STK3: variants seen among roughly 807,000 people sequenced by gnomAD.
STK3 encodes serine/threonine kinase 3, also known as serine/threonine-protein kinase 3.
Under a neutral mutation model 58.0 loss-of-function variants are expected in STK3, and 41 were observed. The ratio of observed to expected loss-of-function variants is 0.71; its 90% CI spans 0.55 to 0.92. STK3 has a LOEUF of 0.92. STK3 is among the 40% of genes least tolerant of loss of function. The pLI is 0.00. For missense variants in STK3, 479 were observed against 602.7 expected, an observed-to-expected ratio of 0.79 and a Z score of 2.15; for synonymous variants, 170 against 191.0, an observed-to-expected ratio of 0.89 and a Z score of 0.91.
chr8:98,781,660 C>CT (rs1182812288), intron 1 of STK3, among the ~76,000 whole-genome samples: 1 of 152,168 alleles, frequency 6.6e-6, no homozygotes, highest in South Asian at 2.1e-4. Flanking sequence ...CCTAGAGGAG[C>CT]TTAAAAACTA....
chr8:98,709,771 T>C lies in STK3; in HGVS notation c.352-2460A>G, dbSNP rs145558734. Among the ~76,000 whole-genome samples the C allele has an allele frequency of 3.2e-3, 485 of 152,202 alleles. 3 individuals are homozygous for C. The highest frequency in any genetic ancestry group is 0.01 in the African/African-American group (432 of 41,544). On this transcript the variant is annotated intron_variant, in intron 4 of 10. Transcript: ENST00000419617. ...TCATAAAACACACAACTAATATGAA[T>C]AGAAGGAAACTATCTCACCATAGTA...
In STK3 at chr8:98,800,858, C is replaced by T. The variant is rs1484667388; in HGVS notation, c.26+24657G>A. Reference sequence around the variant, plus strand: ...GGCTCAGGACCTGCAGCCCCCCATGCCAGAGCCCCCCCCACCAAGGTGGGC... The same window carrying T: ...GGCTCAGGACCTGCAGCCCCCCATGTCAGAGCCCCCCCCACCAAGGTGGGC... On this transcript the variant is annotated intron_variant, in intron 1 of 10. Coordinates refer to ENST00000419617, the MANE Select transcript of STK3 (RefSeq NM_006281.4). The surrounding 1 kb of genome is among the most constrained non-coding windows in gnomAD (Gnocchi z 4.8). 6.6e-6 allele frequency among the ~76,000 whole-genome samples: 1 copy of T among 152,226 alleles called. No individual in the cohort carries two copies. Among genetic ancestry groups the T allele is most frequent in the Non-Finnish European group, 1.5e-5 (1 of 68,024 alleles).
At chr8:98,469,626 G>A (rs1820766891) in intron 10 of STK3, among the ~76,000 whole-genome samples, 1 of 152,162 alleles carries the variant, frequency 6.6e-6, no homozygotes, top group Admixed American at 6.5e-5. Context: ...GTGGAAATTT[G>A]GGGATCAGAA....
chr8:98,402,739 G>C (rs1350771519), intron 3 of STK3, among the ~76,000 whole-genome samples: 2 of 152,190 alleles, frequency 1.3e-5, no homozygotes, highest in African/African-American at 2.4e-5. Flanking sequence ...GTCTGTGCTT[G>C]TTCCCTCAGC....
rs143764459 is a variant in STK3 at position 98,376,271 on chromosome 8, T to C, written n.111+2882A>G. On this transcript the variant is annotated intron_variant and non_coding_transcript_variant, in intron 2 of 2. Coordinates refer to the STK3 transcript ENST00000518704. The stretch of plus-strand genomic sequence containing the variant: ...TTTGCCCATTTTAAAACTGGGTTGT[T>C]TGCTGTCTTACTGTTGAGTTTTGAG... Among the ~76,000 whole-genome samples the C allele has an allele frequency of 1.2e-4, 18 of 152,354 alleles. No homozygotes were observed. The East Asian group carries it at 3.5e-3, about 29-fold the overall frequency.
At chr8:98,723,573 C>T (rs1295695953) in intron 4 of STK3, among the ~76,000 whole-genome samples, 1 of 152,088 alleles carries the variant, frequency 6.6e-6, no homozygotes, top group African/African-American at 2.4e-5. Context: ...TTTAAGTTCA[C>T]ACAAAATTAA....
At chr8:98,870,501 C>T (rs1295816906) in intron 3 of STK3, among the ~76,000 whole-genome samples, 3 of 152,170 alleles carry the variant, frequency 2.0e-5, no homozygotes, top group Non-Finnish European at 4.4e-5. Flanking sequence ...CTCTCCAGCA[C>T]CTGTTGTTTC....
chr8:98,699,307 A>G (rs1587343275), intron 6 of STK3, among the ~76,000 whole-genome samples: 1 of 151,660 alleles, frequency 6.6e-6, no homozygotes, highest in East Asian at 1.9e-4. Flanking sequence ...TTTGGTTTGA[A>G]TTTCCTCCTG....
intron 1 of STK3, chr8:98,904,877 G>A (rs576915998): frequency 1.5e-6 from 1 of 683,822 alleles, no homozygotes; most frequent in Non-Finnish European, 2.8e-6. Context: ...TAGAGTTGAG[G>A]TGGCTGGTCA....
chr8:98,398,864 A>G (rs1483699821), downstream of STK3, among the ~76,000 whole-genome samples: 1 of 152,198 alleles, frequency 6.6e-6, no homozygotes, highest in African/African-American at 2.4e-5. Flanking sequence ...CTCTGTGATA[A>G]AGAGGCCACA....
rs188682651 is a variant in STK3, at chr8:98,918,187, G to A, written c.-79+24191C>T. Among the ~76,000 whole-genome samples, 460 of 152,246 alleles carry A rather than the reference G, an allele frequency of 3.0e-3. 1 individual carries two copies. The highest frequency in any genetic ancestry group is 5.1e-3 in the Non-Finnish European group (346 of 68,018). On this transcript the variant is annotated intron_variant, in intron 1 of 1. Transcript: ENST00000519420. ...CTTCAAAAGCACTAGAAGAGATAACGTGTATGAATTGCTTGCTCGATAGTG... is the reference window on the plus strand; with the variant it reads ...CTTCAAAAGCACTAGAAGAGATAACATGTATGAATTGCTTGCTCGATAGTG...
chr8:98,901,480 C>T (rs1008595204), intron 1 of STK3, among the ~76,000 whole-genome samples: 1 of 152,204 alleles, frequency 6.6e-6, no homozygotes, highest in Non-Finnish European at 1.5e-5. Flanking sequence ...AAAAAGAAAG[C>T]CTGGGAGCGG....
At chr8:98,454,461 A>G (rs1317970277), downstream of STK3, among the ~76,000 whole-genome samples, 1 of 152,082 alleles carries the variant, frequency 6.6e-6, no homozygotes, top group Non-Finnish European at 1.5e-5. Flanking sequence ...GCCCTGCCAA[A>G]CTGGGGTGGG....
intron 4 of STK3, among the ~76,000 whole-genome samples, chr8:98,737,073 T>C (rs945797112): frequency 1.3e-5 from 2 of 152,208 alleles, no homozygotes; most frequent in Non-Finnish European, 2.9e-5. Flanking sequence ...GTTCTCAACC[T>C]ATATTTTATA....
intron 1 of STK3, among the ~76,000 whole-genome samples, chr8:98,825,086 T>C (rs1307423409): frequency 3.9e-5 from 6 of 152,196 alleles, no homozygotes; most frequent in Non-Finnish European, 7.3e-5. Context: ...CAAAACTATA[T>C]TGGGGGAGGG....
chr8:98,463,450 G>A (rs1173125037), intron 10 of STK3, among the ~76,000 whole-genome samples: 1 of 151,834 alleles, frequency 6.6e-6, no homozygotes, highest in Non-Finnish European at 1.5e-5. Context: ...TAAAACAGGA[G>A]CATAAAAAAC....
At chr8:98,795,856 CAAT>C (rs1833136937) in intron 1 of STK3, among the ~76,000 whole-genome samples, 1 of 147,610 alleles carries the variant, frequency 6.8e-6, no homozygotes, top group African/African-American at 2.6e-5. Flanking sequence ...CAATACAATA[CAAT>C]ACAATACCTA....
intron 1 of STK3, among the ~76,000 whole-genome samples, chr8:98,938,946 T>C (rs1485446498): frequency 6.6e-6 from 1 of 152,074 alleles, no homozygotes; most frequent in Non-Finnish European, 1.5e-5. Flanking sequence ...GATCTAGTAT[T>C]AGATAATACT....
chr8:98,485,540 T>C (rs1822185133), intron 10 of STK3, among the ~76,000 whole-genome samples: 1 of 152,200 alleles, frequency 6.6e-6, no homozygotes, highest in Non-Finnish European at 1.5e-5. Flanking sequence ...AAGAAATTAA[T>C]TACCACTGGT....
Sources: gnomAD v4.1 joint callset for allele counts (sites outside exome capture counted in the v4.1 genomes callset) on GRCh38, gnomAD v4.1.1 for gene constraint, Gnocchi (gnomAD v3.1) non-coding constraint, MANE v1.5 for transcripts, NCBI Gene and HGNC (gene_info 2026-07-23, HGNC 2026-07-21) for gene names.